The following PTPRR variants were observed in gnomAD, a reference collection of about 807,000 sequenced individuals.
The protein encoded by PTPRR is protein tyrosine phosphatase receptor type R, also known as receptor-type tyrosine-protein phosphatase R.
PTPRR carries 38 observed loss-of-function variants against 77.2 expected under a neutral mutation model. The ratio of observed to expected loss-of-function variants is 0.49; its 90% CI spans 0.38 to 0.65. The LOEUF is 0.65. PTPRR is among the 30% of genes least tolerant of loss of function. The pLI, the probability that PTPRR is intolerant of heterozygous loss-of-function variation, is 0.00. For missense variants in PTPRR, 744 were observed against 799.2 expected, an observed-to-expected ratio of 0.93 and a Z score of 0.83; for synonymous variants, 299 against 283.1, an observed-to-expected ratio of 1.06 and a Z score of -0.57.
chr12:70,862,275 T>A (rs1355823311), intron 2 of PTPRR, among the ~76,000 whole-genome samples: 1 of 152,094 alleles, frequency 6.6e-6, no homozygotes. Flanking sequence ...TCCTCATATA[T>A]ACCATGAAGA....
intron 6 of PTPRR, among the ~76,000 whole-genome samples, chr12:70,710,503 C>A (rs1295315230): frequency 6.6e-6 from 1 of 152,028 alleles, no homozygotes; most frequent in African/African-American, 2.4e-5. Flanking sequence ...ATAGGCATTT[C>A]ATGATGAAGA....
intron 12 of PTPRR, among the ~76,000 whole-genome samples, chr12:70,657,255 G>C (rs4283028): frequency 0.44 from 66,219 of 151,884 alleles, 19,025 homozygotes; most frequent in African/African-American, 0.81. Context: ...CCAAGTGCAT[G>C]CTGGAATAGG....
At chr12:70,728,963 C>T (rs923788523) in intron 6 of PTPRR, among the ~76,000 whole-genome samples, 25 of 152,154 alleles carry the variant, frequency 1.6e-4, no homozygotes, top group African/African-American at 5.5e-4. Context: ...TCCAGGTTTG[C>T]AATCCATGAG....
intron 6 of PTPRR, among the ~76,000 whole-genome samples, chr12:70,737,888 A>G (rs1889924708): frequency 6.6e-6 from 1 of 152,208 alleles, no homozygotes; most frequent in Non-Finnish European, 1.5e-5. Flanking sequence ...AGTCATATTA[A>G]TTCTATTCCC....
intron 2 of PTPRR, among the ~76,000 whole-genome samples, chr12:70,853,611 C>T (rs1892606067): frequency 6.6e-6 from 1 of 152,162 alleles, no homozygotes; most frequent in Non-Finnish European, 1.5e-5. Context: ...TAACATTGGC[C>T]TGACCGCAAA....
At position 70,872,988 on chromosome 12, in the gene PTPRR, T is replaced by C. The variant is rs535371117; in HGVS notation, c.357+19691A>G. 6.6e-5 allele frequency among the ~76,000 whole-genome samples: 10 copies of C among 152,296 alleles called. No homozygotes were observed. The East Asian group carries it at 1.9e-3, about 29-fold the overall frequency. On this transcript the variant is annotated intron_variant, in intron 2 of 13. Transcript: ENST00000283228. The stretch of plus-strand genomic sequence containing the variant: ...ATTTATTTGATCATTACTAAAATCC[T>C]TGTGAGGGAAACAGAACTGATATTA...
intron 10 of PTPRR, among the ~76,000 whole-genome samples, chr12:70,675,283 G>A (rs1887402539): frequency 6.6e-6 from 1 of 151,732 alleles, no homozygotes; most frequent in Non-Finnish European, 1.5e-5. Flanking sequence ...CAAGTTATTT[G>A]TTTATATTTA....
At chr12:70,892,625 A>G in intron 2 of PTPRR, 54 bp downstream of exon 2, 2 of 1,582,620 alleles carry the variant, frequency 1.3e-6, no homozygotes, top group Non-Finnish European at 1.7e-6. Context: ...TTCAAGCATC[A>G]ATGACAGGAA....
At chr12:70,643,307 CTGTG>C (rs1160349808) in intron 13 of PTPRR, among the ~76,000 whole-genome samples, 1 of 151,424 alleles carries the variant, frequency 6.6e-6, no homozygotes, top group Non-Finnish European at 1.5e-5. Flanking sequence ...CTAATTTTTT[CTGTG>C]TGTGTGTGTT....
At chr12:70,734,292 G>T (rs1730184237) in intron 6 of PTPRR, among the ~76,000 whole-genome samples, 1 of 152,172 alleles carries the variant, frequency 6.6e-6, no homozygotes, top group African/African-American at 2.4e-5. Flanking sequence ...AGGAATCAGA[G>T]AATTTGAATC....
chr12:70,643,701 T>C (rs1328315296), intron 13 of PTPRR, among the ~76,000 whole-genome samples: 1 of 152,178 alleles, frequency 6.6e-6, no homozygotes, highest in African/African-American at 2.4e-5. Context: ...TCTGGATCTA[T>C]ATTACTGATA....
chr12:70,728,296 A>ATC (rs374669141), intron 6 of PTPRR, among the ~76,000 whole-genome samples: 30 of 121,424 alleles, frequency 2.5e-4, no homozygotes, highest in African/African-American at 5.7e-4. Context: ...CCCTTCTCTG[A>ATC]TCTCTCTCTC....
At chr12:70,917,432 T>C (rs1893791495) in intron 1 of PTPRR, among the ~76,000 whole-genome samples, 1 of 152,190 alleles carries the variant, frequency 6.6e-6, no homozygotes, top group Non-Finnish European at 1.5e-5. Context: ...ATCTTCATTT[T>C]CTCACCTGTA....
chr12:70,830,215 T>G (rs1323149745), intron 2 of PTPRR, among the ~76,000 whole-genome samples: 1 of 152,190 alleles, frequency 6.6e-6, no homozygotes, highest in African/African-American at 2.4e-5. Flanking sequence ...TACCTGTTTC[T>G]GATGTGTGAG....
At chr12:70,681,499 A>G (rs1887658969) in intron 10 of PTPRR, among the ~76,000 whole-genome samples, 1 of 152,172 alleles carries the variant, frequency 6.6e-6, no homozygotes, top group African/African-American at 2.4e-5. Flanking sequence ...CTGGGGATGC[A>G]TCTCCTTGTT....
intron 2 of PTPRR, among the ~76,000 whole-genome samples, chr12:70,768,459 GA>G (rs1890884069): frequency 6.6e-6 from 1 of 152,182 alleles, no homozygotes; most frequent in Non-Finnish European, 1.5e-5. Context: ...ACTAAACCAG[GA>G]AGAAGTTGAA....
At chr12:70,654,170 G>A (rs1353519071) in intron 13 of PTPRR, among the ~76,000 whole-genome samples, 1 of 152,006 alleles carries the variant, frequency 6.6e-6, no homozygotes, top group African/African-American at 2.4e-5. Context: ...TCTATTCCAA[G>A]TGTTTTACAT....
chr12:70,641,744 G>A (rs1886010572), intron 13 of PTPRR, among the ~76,000 whole-genome samples: 1 of 152,168 alleles, frequency 6.6e-6, no homozygotes, highest in African/African-American at 2.4e-5. Context: ...TGCAATTTTA[G>A]AGGCAGCCTT....
intron 1 of PTPRR, among the ~76,000 whole-genome samples, chr12:70,912,665 A>C (rs1308705162): frequency 6.6e-6 from 1 of 152,156 alleles, no homozygotes. Flanking sequence ...TTTGATTATG[A>C]GGAAAGTTTA....
Sources: allele counts gnomAD v4.1 joint callset (sites outside exome capture counted in the v4.1 genomes callset), GRCh38; gene constraint gnomAD v4.1.1; transcripts MANE v1.5; gene names NCBI Gene and HGNC (gene_info 2026-07-23, HGNC 2026-07-21).